The following TLE7 variants were observed in gnomAD, a reference collection of about 807,000 sequenced individuals.
TLE7 encodes the protein transducin-like enhancer protein 7.
chr16:71,433,995 A>G (rs1441231265), intron 1 of TLE7, among the ~76,000 whole-genome samples: 1 of 152,164 alleles, frequency 6.6e-6, no homozygotes, highest in East Asian at 1.9e-4. Flanking sequence ...GGCTGTACAT[A>G]TTTCAAATGA....
At chr16:71,435,067 G>T (rs2145044531) in intron 1 of TLE7, among the ~76,000 whole-genome samples, 1 of 152,310 alleles carries the variant, frequency 6.6e-6, no homozygotes, top group Admixed American at 6.5e-5. Context: ...GGAGACTGGT[G>T]CAATAAGTTA....
chr16:71,433,354 C>T lies in TLE7; in HGVS notation c.-30G>A. Reference sequence around the variant, plus strand: ...TTAGATCAGTGAGGTGTCTGGACCACCCGGTTCTAGGACTTGACAAATAGA... The same window carrying T: ...TTAGATCAGTGAGGTGTCTGGACCATCCGGTTCTAGGACTTGACAAATAGA... On this transcript the variant is annotated 5_prime_UTR_variant, in exon 2 of 10. In the 5' UTR this introduces an upstream ATG that the reference lacks. Transcript: ENST00000561754. The T allele has an allele frequency of 2.5e-6, 1 of 398,614 alleles. No individual in the cohort carries two copies. Among genetic ancestry groups the T allele is most frequent in the Non-Finnish European group, 4.4e-6 (1 of 226,104 alleles). The allele number at this position is 398,614 out of a possible 1,614,324, so 24.7% of individuals were successfully genotyped here.
intron 1 of TLE7, among the ~76,000 whole-genome samples, chr16:71,438,750 G>T (rs1433961894): frequency 2.6e-5 from 4 of 151,932 alleles, no homozygotes; most frequent in Non-Finnish European, 5.9e-5. Context: ...GAGAGCCGTG[G>T]TTCTTATACC....
chr16:71,437,625 G>A (rs77936341), intron 1 of TLE7, among the ~76,000 whole-genome samples: 1 of 152,204 alleles, frequency 6.6e-6, no homozygotes, highest in African/African-American at 2.4e-5. Context: ...CCTTCGGTCT[G>A]AGGATCCCTT....
intron 1 of TLE7, among the ~76,000 whole-genome samples, chr16:71,441,235 G>C (rs2042846545): frequency 6.6e-6 from 1 of 152,218 alleles, no homozygotes; most frequent in Non-Finnish European, 1.5e-5. Context: ...GATTTATTTT[G>C]TAAGAAAAGT....
At chr16:71,435,620 AT>A (rs1471327189) in intron 1 of TLE7, among the ~76,000 whole-genome samples, 1 of 152,250 alleles carries the variant, frequency 6.6e-6, no homozygotes, top group Admixed American at 6.5e-5. Context: ...AGAGATGGAA[AT>A]TGGCAAATAG....
intron 1 of TLE7, among the ~76,000 whole-genome samples, chr16:71,435,876 A>G (rs1032405416): frequency 3.3e-5 from 5 of 152,170 alleles, no homozygotes; most frequent in Admixed American, 3.3e-4. Flanking sequence ...AGCAGAGACC[A>G]CCACTGCTCA....
At chr16:71,440,965 C>T (rs1327851048) in intron 1 of TLE7, among the ~76,000 whole-genome samples, 1 of 152,202 alleles carries the variant, frequency 6.6e-6, no homozygotes, top group Admixed American at 6.5e-5. Flanking sequence ...TGACGCTGCC[C>T]TTCCCACAAG....
chr16:71,430,354 A>G lies in TLE7; in HGVS notation c.1234T>C (p.Ser412Pro). The G allele has an allele frequency of 2.5e-6, 1 of 398,678 alleles. No homozygotes were observed. The highest frequency in any genetic ancestry group is 3.6e-5 in the East Asian group (1 of 28,078). 24.7% of individuals were successfully genotyped at this position (398,678 alleles called of 1,614,324 possible). A position where few individuals can be genotyped will look rare whatever the true frequency, so the allele number is the denominator to read the frequency against. The change falls in exon 10 of 10, where the codon TCA (serine) becomes CCA (proline). Residue 412 changes from serine (S) to proline (P), a missense_variant. Physicochemically the swap from Ser to Pro is moderately conservative, Grantham distance 74. Coordinates refer to ENST00000561754, the MANE Select transcript of TLE7 (RefSeq NM_001367365.2). ...LQKLFQIEES[S>P]GILCCDVSSD... ...GACACGTCACAGCACAGGATACCTG[A>G]AGACTCCTCTATCTAGATGGATGGA...
Position 71,439,329 on chromosome 16 carries a change from A to G in TLE7, c.-97+2640T>C, listed in dbSNP as rs146303996. Among the ~76,000 whole-genome samples the G allele has an allele frequency of 2.3e-3, 350 of 152,332 alleles. 2 individuals are homozygous for G. The highest frequency in any genetic ancestry group is 3.3e-3 in the South Asian group (16 of 4,826). ...GGGGAAGCAGGGTAGCAGAGAGCAT[A>G]GGAGAATGTTCCAGACAGACAGAAG... On this transcript the variant is annotated intron_variant, in intron 1 of 9. Coordinates refer to ENST00000561754, the MANE Select transcript of TLE7 (RefSeq NM_001367365.2).
intron 1 of TLE7, among the ~76,000 whole-genome samples, chr16:71,437,154 G>A (rs1486094110): frequency 6.6e-6 from 1 of 152,150 alleles, no homozygotes; most frequent in Non-Finnish European, 1.5e-5. Context: ...TTTGAGACCA[G>A]CCTGGCCAAC....
intron 1 of TLE7, among the ~76,000 whole-genome samples, chr16:71,438,517 G>A (rs1032992231): frequency 6.6e-5 from 10 of 151,246 alleles, no homozygotes; most frequent in African/African-American, 2.4e-4. Context: ...CTTGGAATGT[G>A]CAGATTGCTT....
intron 1 of TLE7, among the ~76,000 whole-genome samples, chr16:71,435,789 T>A (rs1043959794): frequency 6.6e-6 from 1 of 152,214 alleles, no homozygotes; most frequent in Non-Finnish European, 1.5e-5. Flanking sequence ...TTAAATAATT[T>A]AACGCACTCT....
At chr16:71,440,249 CA>C (rs546819452) in intron 1 of TLE7, among the ~76,000 whole-genome samples, 2 of 152,268 alleles carry the variant, frequency 1.3e-5, no homozygotes, top group South Asian at 4.2e-4. Context: ...TTTGGGATGA[CA>C]AAAAAGTTCT....
chr16:71,439,392 A>G (rs1423779887), intron 1 of TLE7, among the ~76,000 whole-genome samples: 2 of 151,982 alleles, frequency 1.3e-5, no homozygotes, highest in East Asian at 3.9e-4. Context: ...AATTGGGAGA[A>G]TTTTCTAGGG....
intron 1 of TLE7, among the ~76,000 whole-genome samples, chr16:71,441,336 C>T (rs2145048632): frequency 6.6e-6 from 1 of 152,372 alleles, no homozygotes; most frequent in Non-Finnish European, 1.5e-5. Context: ...CCTCCCGCCT[C>T]GGCCTCCCAC....
rs1005209839 is a variant in TLE7 at position 71,431,957 on chromosome 16, G to A, written c.655C>T (p.Arg219Trp). 7 of 400,620 alleles carry A rather than the reference G, an allele frequency of 1.7e-5. No individual in the cohort carries two copies. Among genetic ancestry groups the A allele is most frequent in the African/African-American group, 6.2e-5 (3 of 48,626 alleles). 24.8% of individuals were successfully genotyped at this position (400,620 alleles called of 1,614,324 possible). A position where few individuals can be genotyped will look rare whatever the true frequency, so the allele number is the denominator to read the frequency against. The change falls in exon 6 of 10, where the codon CGG becomes TGG. Residue 219 changes from arginine to tryptophan, a missense_variant. Arg to Trp is a moderately radical substitution (Grantham distance 101, BLOSUM62 -3). Coordinates refer to ENST00000561754, the MANE Select transcript of TLE7 (RefSeq NM_001367365.2). This position sits in a 1 kb window ranked among gnomAD's most constrained non-coding sequence, Gnocchi z 4.5. ...GACGCACCCCCTGTGATCAGGCTCCGCTCATCAGGGAACAGCTTGCAGGTA... is the reference window on the plus strand; with the variant it reads ...GACGCACCCCCTGTGATCAGGCTCCACTCATCAGGGAACAGCTTGCAGGTA... ...VVTCKLFPDE[R>W]SLITGGASQA...
Position 71,433,393 on chromosome 16 carries a change from C to T in TLE7, c.-69G>A, listed in dbSNP as rs2042814924. On this transcript the variant is annotated 5_prime_UTR_variant, in exon 2 of 10. Transcript: ENST00000561754. ...TTGACAAATAGACCCGCCAAACAGACACCAGGTTCCCAGTGTGTCCTGATC... is the reference window on the plus strand; with the variant it reads ...TTGACAAATAGACCCGCCAAACAGATACCAGGTTCCCAGTGTGTCCTGATC... The T allele has an allele frequency of 2.5e-6, 1 of 398,284 alleles. No homozygotes were observed. The allele number at this position is 398,284 out of a possible 1,614,324, so 24.7% of individuals were successfully genotyped here. A position where few individuals can be genotyped will look rare whatever the true frequency, so the allele number is the denominator to read the frequency against.
intron 1 of TLE7, among the ~76,000 whole-genome samples, chr16:71,441,545 T>G (rs559167796): frequency 6.6e-5 from 10 of 152,348 alleles, no homozygotes; most frequent in Non-Finnish European, 8.8e-5. Flanking sequence ...AGCCCTCGCT[T>G]GGCCGGCGCC....
Sources: allele counts gnomAD v4.1 joint callset (sites outside exome capture counted in the v4.1 genomes callset), GRCh38; gene constraint gnomAD v4.1.1; non-coding constraint Gnocchi (gnomAD v3.1); transcripts MANE v1.5; gene names NCBI Gene and HGNC (gene_info 2026-07-23, HGNC 2026-07-21).